Variants in PIEZO2 observed in about 807,000 individuals in gnomAD.
The protein encoded by PIEZO2 is piezo-type mechanosensitive ion channel component 2.
A neutral mutation model predicts 337.3 loss-of-function variants in PIEZO2; 172 were observed. The observed-to-expected ratio is 0.51, with a 90% CI of 0.45 to 0.58. The LOEUF (loss-of-function observed/expected upper bound fraction) is 0.58. PIEZO2 is among the 20% of genes least tolerant of loss of function. The probability of loss-of-function intolerance (pLI) is 0.00; values close to 1 mark genes in which losing one functional copy is unlikely to be tolerated. For synonymous variants in PIEZO2, 1,251 were observed against 1,228.5 expected, an observed-to-expected ratio of 1.02 and a Z score of -0.38; for missense variants, 3,028 against 3,391.3, an observed-to-expected ratio of 0.89 and a Z score of 2.66.
At chr18:11,095,973 T>C (rs1295336116) in intron 1 of PIEZO2, among the ~76,000 whole-genome samples, 1 of 152,236 alleles carries the variant, frequency 6.6e-6, no homozygotes, top group Non-Finnish European at 1.5e-5. Flanking sequence ...GGGAGAAATA[T>C]CACTTCTTCC....
At chr18:10,974,641 C>T (rs1488362877) in intron 3 of PIEZO2, among the ~76,000 whole-genome samples, 1 of 152,198 alleles carries the variant, frequency 6.6e-6, no homozygotes, top group Non-Finnish European at 1.5e-5. Flanking sequence ...CAGACAGATC[C>T]GTGCTCAGAC....
intron 41 of PIEZO2, 112 bp downstream of exon 41, chr18:10,705,224 G>A: frequency 7.7e-7 from 1 of 1,304,788 alleles, no homozygotes; most frequent in Non-Finnish European, 1.0e-6. Flanking sequence ...TTTGCTCTAA[G>A]TGTCCAGATG....
rs1367721205 is a variant in PIEZO2, at chr18:11,077,400, C to G, written c.65-11178G>C. Among the ~76,000 whole-genome samples, 1 of 152,146 alleles carries G rather than the reference C, an allele frequency of 6.6e-6. No homozygotes were observed. Among genetic ancestry groups the G allele is most frequent in the East Asian group, 1.9e-4 (1 of 5,194 alleles). On this transcript the variant is annotated intron_variant, in intron 1 of 55. Transcript: ENST00000674853. The surrounding 1 kb of genome is among the most constrained non-coding windows in gnomAD (Gnocchi z 4.8). Reference sequence around the variant, plus strand: ...TCACTAATCAGGCCAGGTGTGGTGGCTCATGCCTACAATCCCAGCACTTTG... The same window carrying G: ...TCACTAATCAGGCCAGGTGTGGTGGGTCATGCCTACAATCCCAGCACTTTG...
rs1568354154 is a variant in PIEZO2, at chr18:11,077,647, C to T, written c.65-11425G>A. On this transcript the variant is annotated intron_variant, in intron 1 of 55. Transcript: ENST00000674853. The surrounding 1 kb of genome is among the most constrained non-coding windows in gnomAD (Gnocchi z 4.8). ...CTGTGATCGCACCACTGCACTCCAG[C>T]CTGTTTCAGAAGTTCTCTCTTTATA... 6.6e-6 allele frequency among the ~76,000 whole-genome samples: 1 copy of T among 152,158 alleles called. No individual in the cohort carries two copies. Among genetic ancestry groups the T allele is most frequent in the Non-Finnish European group, 1.5e-5 (1 of 68,014 alleles).
rs1335990842 is a variant in PIEZO2, at chr18:11,131,977, A to G, written c.64+16548T>C. 6.6e-6 allele frequency among the ~76,000 whole-genome samples: 1 copy of G among 152,218 alleles called. No individual in the cohort carries two copies. Among genetic ancestry groups the G allele is most frequent in the East Asian group, 1.9e-4 (1 of 5,192 alleles). On this transcript the variant is annotated intron_variant, in intron 1 of 55. Transcript: ENST00000674853. This position sits in a 1 kb window ranked among gnomAD's most constrained non-coding sequence, Gnocchi z 5.3. ...CAGTAACAAGGACTTCCATTGACCA[A>G]GGCTGACCTGGCTGCAGCCGCTGCT...
rs577856318 is a variant in PIEZO2, at chr18:11,145,081, T to C, written c.64+3444A>G. Among the ~76,000 whole-genome samples, 14 of 152,330 alleles carry C rather than the reference T, an allele frequency of 9.2e-5. 1 individual carries two copies. Among genetic ancestry groups the C allele is most frequent in the African/African-American group, 3.1e-4 (13 of 41,574 alleles). On this transcript the variant is annotated intron_variant, in intron 1 of 55. Coordinates refer to ENST00000674853, the MANE Select transcript of PIEZO2 (RefSeq NM_001378183.1). ...AATTATCAGTTATAATTATTAGAGA[T>C]TGCATAATATGGAAAGTCTTTACCT...
rs1681611636 is a variant in PIEZO2, at chr18:11,110,021, A to G, written c.64+38504T>C. On this transcript the variant is annotated intron_variant, in intron 1 of 55. Coordinates refer to ENST00000674853, the MANE Select transcript of PIEZO2 (RefSeq NM_001378183.1). The surrounding 1 kb of genome is among the most constrained non-coding windows in gnomAD (Gnocchi z 4.2). ...CTGAAAACATGTTTCTTCCATTTCC[A>G]TCTTTATCTCCATGGTGGGTGGACA... Among the ~76,000 whole-genome samples, 1 of 152,192 alleles carries G rather than the reference A, an allele frequency of 6.6e-6. No homozygotes were observed. Among genetic ancestry groups the G allele is most frequent in the Admixed American group, 6.5e-5 (1 of 15,280 alleles).
intron 36 of PIEZO2, chr18:10,728,147 A>G (rs941553014): frequency 6.6e-6 from 1 of 152,664 alleles, no homozygotes; most frequent in Admixed American, 6.5e-5. Context: ...TAAGAATTCA[A>G]CTACATTCAA....
At chr18:10,753,673 T>G (rs1218305717) in intron 27 of PIEZO2, among the ~76,000 whole-genome samples, 1 of 152,260 alleles carries the variant, frequency 6.6e-6, no homozygotes. Context: ...GGATTAATTC[T>G]TTGATTAATG....
intron 2 of PIEZO2, among the ~76,000 whole-genome samples, chr18:11,025,699 A>G (rs1174499368): frequency 1.3e-5 from 2 of 152,196 alleles, no homozygotes; most frequent in East Asian, 3.9e-4. Context: ...TAACGCCCTC[A>G]GGACACAGAT....
chr18:11,075,034 TCTA>T (rs2038481939), intron 1 of PIEZO2, among the ~76,000 whole-genome samples: 1 of 148,616 alleles, frequency 6.7e-6, no homozygotes, highest in South Asian at 2.2e-4. Context: ...AAGCTCCATT[TCTA>T]CTAAGTGTGT....
At position 11,132,519 on chromosome 18, in the gene PIEZO2, T is replaced by G. The variant is rs2040369875; in HGVS notation, c.64+16006A>C. On this transcript the variant is annotated intron_variant, in intron 1 of 55. Transcript: ENST00000674853. This position sits in a 1 kb window ranked among gnomAD's most constrained non-coding sequence, Gnocchi z 4.7. ...CCAATATATGGTACTGTTTCTCTCA[T>G]AGCCAGGATTCATATGTCCGGGAAT... 6.6e-6 allele frequency among the ~76,000 whole-genome samples: 1 copy of G among 152,128 alleles called. No individual in the cohort carries two copies. The highest frequency in any genetic ancestry group is 6.5e-5 in the Admixed American group (1 of 15,278).
rs1181167364 is a variant in PIEZO2, at chr18:11,146,432, C to T, written c.64+2093G>A. Among the ~76,000 whole-genome samples, 1 of 152,104 alleles carries T rather than the reference C, an allele frequency of 6.6e-6. No homozygotes were observed. The highest frequency in any genetic ancestry group is 2.1e-4 in the South Asian group (1 of 4,824). ...GTGAGAGGCAGGGCTGAATCCAGAC[C>T]CCAGTCCCCCCACCTCCACCCTGGC... On this transcript the variant is annotated intron_variant, in intron 1 of 55. Coordinates refer to ENST00000674853, the MANE Select transcript of PIEZO2 (RefSeq NM_001378183.1). This position sits in a 1 kb window ranked among gnomAD's most constrained non-coding sequence, Gnocchi z 6.1.
At position 10,696,555 on chromosome 18, in the gene PIEZO2, C is replaced by G. The variant is rs1388246610; in HGVS notation, c.6828-16G>C. 6.2e-7 allele frequency: 1 copy of G among 1,612,298 alleles called. No individual in the cohort carries two copies. ...CTCCAGCGTCCTGCAAAATGGAGAC[C>G]CCCACCCCCAACCCACTTGTTTCAG... On this transcript the variant is annotated splice_polypyrimidine_tract_variant and intron_variant, in intron 45 of 55. Coordinates refer to ENST00000674853, the MANE Select transcript of PIEZO2 (RefSeq NM_001378183.1).
rs1178453252 is a variant in PIEZO2, at chr18:10,834,591, C to G, written c.917+20762G>C. ...CTGGGTGTCAGGCACTTGACACCCA[C>G]AGCCTGTTTTAACACCTCTCTGATT... On this transcript the variant is annotated intron_variant, in intron 7 of 55. Transcript: ENST00000674853. This position sits in a 1 kb window ranked among gnomAD's most constrained non-coding sequence, Gnocchi z 4.5. Among the ~76,000 whole-genome samples the G allele has an allele frequency of 1.3e-5, 2 of 152,158 alleles. No individual in the cohort carries two copies. Among genetic ancestry groups the G allele is most frequent in the South Asian group, 2.1e-4 (1 of 4,820 alleles).
chr18:10,671,497 A>C lies in PIEZO2; in HGVS notation c.*30T>G, dbSNP rs746775358. 1.3e-6 allele frequency: 2 copies of C among 1,578,264 alleles called. No homozygotes were observed. Among genetic ancestry groups the C allele is most frequent in the South Asian group, 2.3e-5 (2 of 85,600 alleles). On this transcript the variant is annotated 3_prime_UTR_variant, in exon 56 of 56. Transcript: ENST00000674853. Reference sequence around the variant, plus strand: ...TGCTTTTAAAAAAAATTCAAATGTTAACATTATTTGCAGTCTGTGTTCTAA... The same window carrying C: ...TGCTTTTAAAAAAAATTCAAATGTTCACATTATTTGCAGTCTGTGTTCTAA...
chr18:11,017,453 A>G (rs565004651), intron 2 of PIEZO2, among the ~76,000 whole-genome samples: 4 of 149,818 alleles, frequency 2.7e-5, no homozygotes, highest in Admixed American at 2.7e-4. Flanking sequence ...GAAAGCATGA[A>G]TGCCTTTTTT....
chr18:10,787,486 T>C (rs1462647399), intron 15 of PIEZO2, among the ~76,000 whole-genome samples: 1 of 152,216 alleles, frequency 6.6e-6, no homozygotes, highest in Non-Finnish European at 1.5e-5. Context: ...TCCTGCAAGC[T>C]ATCTGGCCCA....
intron 18 of PIEZO2, among the ~76,000 whole-genome samples, chr18:10,779,166 G>GC (rs1430310547): frequency 1.9e-4 from 29 of 152,238 alleles, no homozygotes; most frequent in African/African-American, 6.5e-4. Flanking sequence ...AAGTGACTCT[G>GC]CTTTTCATAC....
Sources: allele counts gnomAD v4.1 joint callset (sites outside exome capture counted in the v4.1 genomes callset), GRCh38; gene constraint gnomAD v4.1.1; non-coding constraint Gnocchi (gnomAD v3.1); transcripts MANE v1.5; gene names NCBI Gene and HGNC (gene_info 2026-07-23, HGNC 2026-07-21).